The following MYO15B variants were observed in gnomAD, a reference collection of about 807,000 sequenced individuals.
MYO15B encodes the protein myosin XVB pseudogene.
A neutral mutation model predicts 119.3 loss-of-function variants in MYO15B; 207 were observed. That is an observed-to-expected ratio of 1.73 (90% CI 1.55 to 1.95). MYO15B has a LOEUF of 1.95. Ranked by LOEUF, MYO15B falls within the 30% of genes most tolerant of loss-of-function variation. The pLI is 0.00. For missense variants in MYO15B, 2,264 were observed against 1,203.1 expected (o/e 1.88, Z -13.04); for synonymous variants, 966 against 498.9 (o/e 1.94, Z -12.48).
chr17:75,591,745 G>A (rs2056468559), intron 5 of MYO15B, 33 bp downstream of exon 5: 5 of 702,802 alleles, frequency 7.1e-6, no homozygotes, highest in Non-Finnish European at 1.3e-5. Flanking sequence ...CTCATGGGTT[G>A]AGCTGGCCGT....
In MYO15B at chr17:75,616,971, C is replaced by T. The variant is rs1450280648; in HGVS notation, c.6594+10C>T. Reference sequence around the variant, plus strand: ...CCACTCGTCCCCGCCGGTGAGCACCCCAGCCTGTCTCCCCCAGAGTGTGTG... The same window carrying T: ...CCACTCGTCCCCGCCGGTGAGCACCTCAGCCTGTCTCCCCCAGAGTGTGTG... On this transcript the variant is annotated intron_variant, in intron 40 of 63. Coordinates refer to ENST00000645453, the Ensembl canonical transcript of MYO15B. 1.4e-6 allele frequency: 1 copy of T among 702,926 alleles called. No individual in the cohort carries two copies. Among genetic ancestry groups the T allele is most frequent in the Admixed American group, 2.0e-5 (1 of 50,028 alleles). The allele number at this position is 702,926 out of a possible 1,614,324, so 43.5% of individuals were successfully genotyped here.
In MYO15B at chr17:75,614,580, C is replaced by T; in HGVS notation, c.5382-3C>T. 1.4e-6 allele frequency: 1 copy of T among 700,642 alleles called. No homozygotes were observed. The highest frequency in any genetic ancestry group is 2.6e-6 in the Non-Finnish European group (1 of 384,786). The allele number at this position is 700,642 out of a possible 1,614,324, so 43.4% of individuals were successfully genotyped here. A position where few individuals can be genotyped will look rare whatever the true frequency, so the allele number is the denominator to read the frequency against. On this transcript the variant is annotated splice_polypyrimidine_tract_variant and splice_region_variant and intron_variant, in intron 30 of 63. Coordinates refer to ENST00000645453, the Ensembl canonical transcript of MYO15B. ...CCCCTTAGCTGGATCCCGTTTCCTG[C>T]AGAGCCGAGGCCATTCCCCTTGCCC...
In MYO15B at chr17:75,618,119, C is replaced by T. The variant is rs200533177; in HGVS notation, c.6928-7C>T. On this transcript the variant is annotated splice_polypyrimidine_tract_variant and splice_region_variant and intron_variant, in intron 42 of 63. Transcript: ENST00000645453. ...ACCGATCTTTGCCCTTCTGTGCCCT[C>T]CTCCAGGTGTTCTACCCACGGGAGA... 223 of 703,246 alleles carry T rather than the reference C, an allele frequency of 3.2e-4. 2 individuals are homozygous for T. The highest frequency in any genetic ancestry group is 2.8e-3 in the African/African-American group (158 of 57,404). 43.6% of individuals were successfully genotyped at this position (703,246 alleles called of 1,614,324 possible).
At chr17:75,613,234 C>G (rs1257130316) in intron 27 of MYO15B, 25 bp downstream of exon 27, 2 of 679,710 alleles carry the variant, frequency 2.9e-6, no homozygotes, top group South Asian at 1.5e-5. Context: ...AGGTGGGGAC[C>G]TGGCAGGTGG....
At chr17:75,605,975 C>T (rs753629345) in exon 21 of MYO15B, 10 of 702,456 alleles carry the variant, frequency 1.4e-5, no homozygotes, top group East Asian at 5.4e-5. Context: ...CTCCCGCCAG[C>T]GCGTCCTGCC....
exon 63 of MYO15B, chr17:75,626,102 C>T (rs755011969): frequency 5.7e-6 from 4 of 703,052 alleles, no homozygotes; most frequent in South Asian, 4.4e-5. Context: ...TGTACTGCCG[C>T]ATTGCCCTGA....
intron 14 of MYO15B, among the ~76,000 whole-genome samples, chr17:75,599,303 G>A (rs1159902302): frequency 3.3e-5 from 5 of 150,942 alleles, no homozygotes; most frequent in East Asian, 1.9e-4. Flanking sequence ...TTGAGACAGA[G>A]TCTCGCTGTT....
intron 21 of MYO15B, 142 bp downstream of exon 21, chr17:75,606,163 C>G: frequency 3.5e-6 from 2 of 572,490 alleles, no homozygotes; most frequent in South Asian, 2.2e-5. Context: ...GCATGTGACT[C>G]TCCTTGACGG....
chr17:75,608,667 C>T (rs574470253), intron 21 of MYO15B, among the ~76,000 whole-genome samples: 2 of 152,136 alleles, frequency 1.3e-5, no homozygotes, highest in South Asian at 2.1e-4. Context: ...CAAGTGATTT[C>T]GTGCCTCAGC....
At chr17:75,624,693 G>A in intron 58 of MYO15B, 54 bp downstream of exon 58, 1 of 702,936 alleles carries the variant, frequency 1.4e-6, no homozygotes, top group Admixed American at 2.0e-5. Context: ...CCAGGGGTGA[G>A]GTGGTTTGGT....
exon 21 of MYO15B, chr17:75,605,919 G>A (rs767218222): frequency 2.0e-5 from 14 of 702,418 alleles, no homozygotes; most frequent in Middle Eastern, 4.6e-4. Context: ...GACCAGCAGC[G>A]CTCCCAGGCC....
intron 29 of MYO15B, 141 bp downstream of exon 29, chr17:75,613,918 G>A (rs775574308): frequency 6.6e-6 from 4 of 602,452 alleles, no homozygotes; most frequent in Admixed American, 2.9e-5. Flanking sequence ...TGGCGATGGG[G>A]AGCCGGGGGC....
rs11656113 is a variant in MYO15B, at chr17:75,591,266, G to A, written c.2435+20G>A. 0.21 allele frequency: 149,207 copies of A among 701,896 alleles called. 17,261 individuals carry two copies. Among genetic ancestry groups the A allele is most frequent in the Non-Finnish European group, 0.25 (95,930 of 384,362 alleles). 43.5% of individuals were successfully genotyped at this position (701,896 alleles called of 1,614,324 possible). On this transcript the variant is annotated intron_variant, in intron 4 of 63. Coordinates refer to ENST00000645453, the Ensembl canonical transcript of MYO15B. ...CCTGTGGTGAGTGGTGGCCTTCCTG[G>A]GTGGCTGAACCCATGGGCCACACTG... is the stretch of plus-strand genomic sequence containing the variant.
exon 20 of MYO15B, chr17:75,605,508 C>G: frequency 1.4e-6 from 1 of 702,736 alleles, no homozygotes; most frequent in South Asian, 1.5e-5. Context: ...GAGCAGCTTC[C>G]AGGCCCTGGG....
chr17:75,616,870 C>A lies in MYO15B; in HGVS notation c.6507-4C>A. The A allele has an allele frequency of 1.4e-6, 1 of 703,094 alleles. No individual in the cohort carries two copies. The highest frequency in any genetic ancestry group is 2.6e-6 in the Non-Finnish European group (1 of 385,024). The allele number at this position is 703,094 out of a possible 1,614,324, so 43.6% of individuals were successfully genotyped here. On this transcript the variant is annotated splice_region_variant and splice_polypyrimidine_tract_variant and intron_variant, in intron 39 of 63. Transcript: ENST00000645453. Reference sequence around the variant, plus strand: ...ACTTAGTGACCTCTTGCTTCTCCCACGAGGCCTCCCAAAGCTTTCCTGAGG... The same window carrying A: ...ACTTAGTGACCTCTTGCTTCTCCCAAGAGGCCTCCCAAAGCTTTCCTGAGG...
At chr17:75,594,913 C>T (rs1450824461) in exon 12 of MYO15B, 1 of 703,076 alleles carries the variant, frequency 1.4e-6, no homozygotes, top group Non-Finnish European at 2.6e-6. Flanking sequence ...ACGGCTGGCA[C>T]CACCAGGGGA....
chr17:75,605,839 C>A lies in MYO15B; in HGVS notation c.4135-25C>A, dbSNP rs1015056455. ...GGAGGGGCTGGCTCCTGGCTCCTGC[C>A]TACAGCCCACCCCTCTACCCACAGG... is the stretch of plus-strand genomic sequence containing the variant. On this transcript the variant is annotated intron_variant, in intron 20 of 63. Transcript: ENST00000645453. 1.8e-5 allele frequency: 12 copies of A among 669,218 alleles called. 1 individual carries two copies. The highest frequency in any genetic ancestry group is 1.7e-4 in the South Asian group (11 of 64,406). The allele number at this position is 669,218 out of a possible 1,614,324, so 41.5% of individuals were successfully genotyped here.
intron 50 of MYO15B, 67 bp from the exon 51 acceptor site, chr17:75,621,273 TCCCTG>T: frequency 1.5e-6 from 1 of 663,958 alleles, no homozygotes; most frequent in Non-Finnish European, 2.8e-6. Context: ...CTTAGCACTC[TCCCTG>T]CCTGGCTGGC....
Position 75,620,366 on chromosome 17 carries a change from A to T in MYO15B, c.7555+9A>T, listed in dbSNP as rs820154. The T allele has an allele frequency of 0.29, 205,146 of 702,756 alleles. 31,467 individuals are homozygous for T. Among genetic ancestry groups the T allele is most frequent in the Middle Eastern group, 0.37 (1,624 of 4,358 alleles). The allele number at this position is 702,756 out of a possible 1,614,324, so 43.5% of individuals were successfully genotyped here. A position where few individuals can be genotyped will look rare whatever the true frequency, so the allele number is the denominator to read the frequency against. ...GGCCACCCTGGAGCCAGGTATCGCC[A>T]GAGGCCGGCAGGGGCTCACACAGGG... is the stretch of plus-strand genomic sequence containing the variant. On this transcript the variant is annotated intron_variant, in intron 48 of 63. Coordinates refer to ENST00000645453, the Ensembl canonical transcript of MYO15B.
Sources: allele counts gnomAD v4.1 joint callset (sites outside exome capture counted in the v4.1 genomes callset), GRCh38; gene constraint gnomAD v4.1.1; transcripts MANE v1.5; gene names NCBI Gene and HGNC (gene_info 2026-07-23, HGNC 2026-07-21).